SND1: variants seen among roughly 807,000 people sequenced by gnomAD.
SND1 encodes staphylococcal nuclease domain-containing protein 1.
A neutral mutation model predicts 121.7 loss-of-function variants in SND1; 38 were observed. The observed-to-expected ratio is 0.31, with a 90% CI of 0.24 to 0.41. SND1 has a LOEUF of 0.41. Among genes scored for constraint, SND1 ranks in the 10% least tolerant of loss-of-function variants. The pLI is 1.00. For missense variants in SND1, 868 were observed against 1,184.6 expected, an observed-to-expected ratio of 0.73 and a Z score of 3.92; for synonymous variants, 401 against 447.4, an observed-to-expected ratio of 0.90 and a Z score of 1.31.
intron 10 of SND1, among the ~76,000 whole-genome samples, chr7:127,798,147 C>T (rs576138815): frequency 1.8e-4 from 28 of 152,228 alleles, no homozygotes; most frequent in South Asian, 6.2e-4. Flanking sequence ...CTGGAGATAA[C>T]GGGTCAGGCT....
chr7:127,760,056 G>A (rs1304700990), intron 10 of SND1, among the ~76,000 whole-genome samples: 1 of 152,096 alleles, frequency 6.6e-6, no homozygotes, highest in African/African-American at 2.4e-5. Context: ...CTTGGTTTCG[G>A]ACTCCTCATG....
intron 17 of SND1, among the ~76,000 whole-genome samples, chr7:128,074,988 T>A (rs1793482994): frequency 6.6e-6 from 1 of 152,222 alleles, no homozygotes; most frequent in Admixed American, 6.5e-5. Flanking sequence ...TAGGTGACTG[T>A]GGAGCCATGG....
At chr7:127,755,682 A>G (rs747601077) in intron 10 of SND1, among the ~76,000 whole-genome samples, 1 of 152,220 alleles carries the variant, frequency 6.6e-6, no homozygotes, top group Non-Finnish European at 1.5e-5. Context: ...GCTGCAAATG[A>G]TGGTCTAATT....
intron 16 of SND1, among the ~76,000 whole-genome samples, chr7:128,069,784 G>A (rs188639733): frequency 1.4e-3 from 215 of 152,238 alleles, no homozygotes; most frequent in African/African-American, 4.6e-3. Context: ...ATAGAGGCAC[G>A]GAGAACTTAA....
rs552710042 is a variant in SND1 at position 127,652,379 on chromosome 7, G to GTCCTCCGCGCAGAGCGGCGGC, written c.14_34dup (p.Ala5_Ser11dup). On this transcript the variant is annotated inframe_insertion, in exon 1 of 24. Coordinates refer to ENST00000354725, the MANE Select transcript of SND1 (RefSeq NM_014390.4). ...TTGCCTTTGCATCTCCACACATGGC[G>GTCCTCCGCGCAGAGCGGCGGC]TCCTCCGCGCAGAGCGGCGGCTCCT... 0.01 allele frequency: 16,377 copies of GTCCTCCGCGCAGAGCGGCGGC among 1,596,444 alleles called. 162 individuals carry two copies. The highest frequency in any genetic ancestry group is 0.039 in the South Asian group (3,405 of 87,844).
intron 16 of SND1, among the ~76,000 whole-genome samples, chr7:128,055,898 C>G (rs953448793): frequency 6.6e-6 from 1 of 152,164 alleles, no homozygotes; most frequent in East Asian, 1.9e-4. Flanking sequence ...GTGTGCTGCT[C>G]CCAGATGTCA....
At chr7:127,721,707 T>G (rs1235368839) in intron 10 of SND1, among the ~76,000 whole-genome samples, 1 of 152,140 alleles carries the variant, frequency 6.6e-6, no homozygotes, top group Non-Finnish European at 1.5e-5. Flanking sequence ...ATTAACAAGA[T>G]CTTATTTTTC....
chr7:128,030,991 C>A (rs1035600187), intron 16 of SND1: 1 of 157,584 alleles, frequency 6.3e-6, no homozygotes, highest in Non-Finnish European at 1.4e-5. Context: ...GTTCCCATTC[C>A]GACTTCTTAG....
chr7:128,089,829 T>A (rs1793747793), intron 22 of SND1, 137 bp downstream of exon 22: 1 of 834,622 alleles, frequency 1.2e-6, no homozygotes, highest in Non-Finnish European at 1.9e-6. Flanking sequence ...GATTTGGGTT[T>A]GTTGGTGTTT....
chr7:127,927,525 T>C (rs772068027), intron 14 of SND1, among the ~76,000 whole-genome samples: 3 of 152,204 alleles, frequency 2.0e-5, no homozygotes, highest in Non-Finnish European at 4.4e-5. Context: ...ATTTTTCATG[T>C]GTATATGTGT....
intron 1 of SND1, among the ~76,000 whole-genome samples, chr7:127,663,689 T>C (rs1421145799): frequency 1.3e-5 from 2 of 152,134 alleles, no homozygotes; most frequent in Non-Finnish European, 1.5e-5. Flanking sequence ...CTGTACTTCT[T>C]AATTGGTTGC....
intron 12 of SND1, 131 bp from the exon 13 acceptor site, chr7:127,887,771 T>G: frequency 5.1e-6 from 3 of 586,766 alleles, no homozygotes; most frequent in Non-Finnish European, 9.2e-6. Flanking sequence ...AACTCATAGG[T>G]CTTGAAACCT....
At chr7:127,922,987 T>G (rs934580999) in intron 14 of SND1, among the ~76,000 whole-genome samples, 18 of 152,170 alleles carry the variant, frequency 1.2e-4, no homozygotes, top group African/African-American at 4.3e-4. Flanking sequence ...CAGACAACAC[T>G]TAATGATTTT....
intron 12 of SND1, among the ~76,000 whole-genome samples, chr7:127,878,955 G>A (rs1031442987): frequency 2.6e-5 from 4 of 151,820 alleles, no homozygotes; most frequent in Non-Finnish European, 5.9e-5. Flanking sequence ...ACAAAAATGG[G>A]GACAAAAATA....
At position 127,792,215 on chromosome 7, in the gene SND1, T is replaced by A. The variant is rs1404574295; in HGVS notation, c.1153-15269T>A. Among the ~76,000 whole-genome samples the A allele has an allele frequency of 5.3e-5, 8 of 152,164 alleles. No individual in the cohort carries two copies. In the East Asian group the frequency reaches 9.6e-4, roughly 18 times the overall value. On this transcript the variant is annotated intron_variant, in intron 10 of 23. Coordinates refer to ENST00000354725, the MANE Select transcript of SND1 (RefSeq NM_014390.4). ...GTGTACTAGTTCCTTTTTTATTGGA[T>A]CTTTTGTGCATATCTGCACAGTGGA...
At chr7:127,895,131 C>T (rs1800092540) in intron 13 of SND1, among the ~76,000 whole-genome samples, 1 of 152,034 alleles carries the variant, frequency 6.6e-6, no homozygotes, top group Non-Finnish European at 1.5e-5. Flanking sequence ...TGTCCAGCCT[C>T]TGTTCTTATC....
intron 12 of SND1, among the ~76,000 whole-genome samples, chr7:127,860,914 C>G (rs774716707): frequency 4.6e-5 from 7 of 151,976 alleles, no homozygotes; most frequent in Non-Finnish European, 8.8e-5. Context: ...TCCAAGAAGC[C>G]CTAGAGTTTA....
intron 17 of SND1, among the ~76,000 whole-genome samples, chr7:128,080,947 A>G (rs1421680886): frequency 2.0e-5 from 3 of 149,372 alleles, no homozygotes; most frequent in Non-Finnish European, 4.4e-5. Flanking sequence ...CCCCACAGTC[A>G]CTCGCCCAGG....
At chr7:127,734,405 C>T (rs111718622) in intron 10 of SND1, among the ~76,000 whole-genome samples, 3 of 152,020 alleles carry the variant, frequency 2.0e-5, no homozygotes, top group South Asian at 4.1e-4. Flanking sequence ...TTGAATTTTA[C>T]GTCATGATAA....
Sources: gnomAD v4.1 joint callset for allele counts (sites outside exome capture counted in the v4.1 genomes callset) on GRCh38, gnomAD v4.1.1 for gene constraint, MANE v1.5 for transcripts, NCBI Gene and HGNC (gene_info 2026-07-23, HGNC 2026-07-21) for gene names.